The following RAB5B variants were observed in gnomAD, a reference collection of about 807,000 sequenced individuals.
RAB5B encodes ras-related protein Rab-5B.
RAB5B carries 11 observed loss-of-function variants against 28.6 expected under a neutral mutation model. The observed-to-expected ratio is 0.38, with a 90% CI of 0.24 to 0.64. The LOEUF (loss-of-function observed/expected upper bound fraction) is 0.64. Ranked by LOEUF, RAB5B falls within the 30% of genes least tolerant of loss-of-function variation. RAB5B has a pLI of 0.53. For synonymous variants in RAB5B, 93 were observed against 97.9 expected (o/e 0.95, Z 0.29); for missense variants, 169 against 265.6 (o/e 0.64, Z 2.53).
At chr12:55,991,960 T>A in intron 5 of RAB5B, 137 bp from the exon 6 acceptor site, 3 of 617,720 alleles carry the variant, frequency 4.9e-6, no homozygotes, top group Non-Finnish European at 8.5e-6. Context: ...TAGTGAACCC[T>A]CCCATCTTCA....
chr12:55,990,913 ATTCCCCAGT>A, intron 4 of RAB5B, 109 bp downstream of exon 4: 1 of 1,381,958 alleles, frequency 7.2e-7, no homozygotes, highest in Non-Finnish European at 1.0e-6. Flanking sequence ...TCATTGTCTC[ATTCCCCAGT>A]TCTACACCAA....
intron 1 of RAB5B, among the ~76,000 whole-genome samples, chr12:55,984,483 C>T (rs902084327): frequency 3.3e-5 from 5 of 151,764 alleles, no homozygotes; most frequent in South Asian, 2.1e-4. Flanking sequence ...CCACTGTGCC[C>T]GCCTTTTATT....
At chr12:55,987,455 C>T (rs1889984324) in intron 2 of RAB5B, among the ~76,000 whole-genome samples, 3 of 152,054 alleles carry the variant, frequency 2.0e-5, no homozygotes, top group East Asian at 3.9e-4. Flanking sequence ...TGAGTCACCA[C>T]GCCGGGCCGG....
intron 1 of RAB5B, among the ~76,000 whole-genome samples, chr12:55,981,290 C>T (rs1465985076): frequency 6.6e-6 from 1 of 152,122 alleles, no homozygotes; most frequent in African/African-American, 2.4e-5. Context: ...TCTCAAACTC[C>T]TGACCTCAGG....
At chr12:55,980,864 ATCT>A (rs1332937356) in intron 1 of RAB5B, 2 of 1,609,868 alleles carry the variant, frequency 1.2e-6, no homozygotes, top group Non-Finnish European at 8.5e-7. Context: ...TTGTAGTTTG[ATCT>A]TCTTCCCCTC....
rs951771494 is a variant in RAB5B, at chr12:55,996,267, C to A, written c.*4055C>A. On this transcript the variant is annotated 3_prime_UTR_variant, in exon 6 of 6. Transcript: ENST00000360299. Reference sequence around the variant, plus strand: ...TTAAAGGTGAACACCTTCACTTAAACTGATTAAAATTGCAGCTCCACCGTC... The same window carrying A: ...TTAAAGGTGAACACCTTCACTTAAAATGATTAAAATTGCAGCTCCACCGTC... 9 of 151,768 alleles carry A rather than the reference C, an allele frequency of 5.9e-5. No individual in the cohort carries two copies. The highest frequency in any genetic ancestry group is 1.9e-4 in the African/African-American group (8 of 41,218). The allele number at this position is 151,768 out of a possible 1,614,324, so 9.4% of individuals were successfully genotyped here.
chr12:55,991,202 G>T, intron 4 of RAB5B, 158 bp from the exon 5 acceptor site: 1 of 596,088 alleles, frequency 1.7e-6, no homozygotes, highest in East Asian at 2.8e-5. Flanking sequence ...TGAGGGAGTT[G>T]TCATTAAATT....
chr12:55,978,774 C>CTTT (rs35830890), intron 1 of RAB5B, among the ~76,000 whole-genome samples: 1 of 136,560 alleles, frequency 7.3e-6, no homozygotes, highest in Non-Finnish European at 1.6e-5. Context: ...GAAATACAGT[C>CTTT]TTTTTTTTTT....
At chr12:55,981,806 C>CT (rs760479306) in intron 1 of RAB5B, among the ~76,000 whole-genome samples, 3,259 of 141,244 alleles carry the variant, frequency 0.023, 91 homozygotes, top group African/African-American at 0.069. Context: ...AGCCGTACTT[C>CT]TTTTTTTTTT....
intron 1 of RAB5B, chr12:55,985,609 T>G (rs1042201800): frequency 2.1e-5 from 9 of 429,700 alleles, no homozygotes; most frequent in African/African-American, 1.8e-4. Flanking sequence ...GCAGCTTTCT[T>G]AGCCCTCTTA....
At position 55,996,003 on chromosome 12, in the gene RAB5B, A is replaced by ATATTTTTTTTTTTTTTTTTTTTTT; in HGVS notation, c.*3792_*3793insATTTTTTTTTTTTTTTTTTTTTTT. ...TATATACATATATATATATATATAT[A>ATATTTTTTTTTTTTTTTTTTTTTT]TTTTTTTTTTAACAACTGGTAGGAT... On this transcript the variant is annotated 3_prime_UTR_variant, in exon 6 of 6. Transcript: ENST00000360299. 3 of 97,434 alleles carry ATATTTTTTTTTTTTTTTTTTTTTT rather than the reference A, an allele frequency of 3.1e-5. No homozygotes were observed. The highest frequency in any genetic ancestry group is 1.1e-4 in the Admixed American group (1 of 9,308). The allele number at this position is 97,434 out of a possible 1,614,324, so 6.0% of individuals were successfully genotyped here.
chr12:55,988,209 G>A (rs1307589044), intron 2 of RAB5B, among the ~76,000 whole-genome samples: 3 of 152,042 alleles, frequency 2.0e-5, no homozygotes, highest in African/African-American at 7.2e-5. Flanking sequence ...GCACATGCCT[G>A]TAATCCCAGC....
At chr12:55,975,133 G>A (rs1197222914) in intron 1 of RAB5B, among the ~76,000 whole-genome samples, 1 of 152,162 alleles carries the variant, frequency 6.6e-6, no homozygotes, top group Non-Finnish European at 1.5e-5. Flanking sequence ...TCCTAGAACT[G>A]AGAATCTATT....
rs1890195111 is a variant in RAB5B at position 55,993,377 on chromosome 12, C to T, written c.*1165C>T. 1 of 152,614 alleles carries T rather than the reference C, an allele frequency of 6.6e-6. No homozygotes were observed. Among genetic ancestry groups the T allele is most frequent in the Non-Finnish European group, 1.5e-5 (1 of 68,042 alleles). The allele number at this position is 152,614 out of a possible 1,614,324, so 9.5% of individuals were successfully genotyped here. A position where few individuals can be genotyped will look rare whatever the true frequency, so the allele number is the denominator to read the frequency against. On this transcript the variant is annotated 3_prime_UTR_variant, in exon 6 of 6. Coordinates refer to ENST00000360299, the MANE Select transcript of RAB5B (RefSeq NM_002868.4). ...GCTTCCTCCAACTCTAATTATTAAC[C>T]TATATTCTTGCCAAGCTAACTATTG...
At chr12:55,991,941 G>A (rs1405626569) in intron 5 of RAB5B, 156 bp from the exon 6 acceptor site, 3 of 559,214 alleles carry the variant, frequency 5.4e-6, no homozygotes, top group Admixed American at 3.3e-5. Context: ...AAAAAAAAAA[G>A]TTTGCAAATA....
intron 2 of RAB5B, among the ~76,000 whole-genome samples, chr12:55,988,563 G>A (rs1048488959): frequency 3.1e-4 from 47 of 152,054 alleles, no homozygotes; most frequent in African/African-American, 1.1e-3. Flanking sequence ...GAGTGCAGTG[G>A]TGCAATCTTG....
In RAB5B at chr12:55,993,442, T is replaced by G; in HGVS notation, c.*1230T>G. The G allele has an allele frequency of 6.6e-6, 1 of 152,584 alleles. No homozygotes were observed. Among genetic ancestry groups the G allele is most frequent in the Non-Finnish European group, 1.5e-5 (1 of 68,034 alleles). The allele number at this position is 152,584 out of a possible 1,614,324, so 9.5% of individuals were successfully genotyped here. A position where few individuals can be genotyped will look rare whatever the true frequency, so the allele number is the denominator to read the frequency against. On this transcript the variant is annotated 3_prime_UTR_variant, in exon 6 of 6. Transcript: ENST00000360299. ...TTTCCTGGAGAATTAATTGAGCAAT[T>G]GAGGAGTGTCTCAGGATAGCACAGG...
intron 1 of RAB5B, chr12:55,981,144 A>G: frequency 2.2e-6 from 2 of 895,138 alleles, no homozygotes; most frequent in Non-Finnish European, 3.5e-6. Flanking sequence ...GCTCACTGCT[A>G]CCTCTGCCTC....
At chr12:55,980,280 C>CTTTTCTCCT (rs1223773837) in intron 1 of RAB5B, among the ~76,000 whole-genome samples, 1 of 151,882 alleles carries the variant, frequency 6.6e-6, no homozygotes, top group Non-Finnish European at 1.5e-5. Context: ...CTGCTTTTCC[C>CTTTTCTCCT]TTTTCTCCTT....
Sources: gnomAD v4.1 joint callset for allele counts (sites outside exome capture counted in the v4.1 genomes callset) on GRCh38, gnomAD v4.1.1 for gene constraint, MANE v1.5 for transcripts, NCBI Gene and HGNC (gene_info 2026-07-23, HGNC 2026-07-21) for gene names.